Variants in KDM4C observed in about 807,000 individuals in gnomAD.
KDM4C encodes the protein lysine demethylase 4C.
A neutral mutation model predicts 129.3 loss-of-function variants in KDM4C; 81 were observed. That is an observed-to-expected ratio of 0.63 (90% confidence interval 0.52 to 0.75). The LOEUF (loss-of-function observed/expected upper bound fraction) is 0.75, where lower values mean the gene tolerates loss of function less well. Ranked by LOEUF, KDM4C falls within the 30% of genes least tolerant of loss-of-function variation. The pLI, the probability that KDM4C is intolerant of heterozygous loss-of-function variation, is 0.00. For missense variants in KDM4C, 1,457 were observed against 1,304.0 expected (o/e 1.12, Z -1.81); for synonymous variants, 573 against 456.1 (o/e 1.26, Z -3.26).
intron 17 of KDM4C, among the ~76,000 whole-genome samples, chr9:7,072,368 A>T (rs755231344): frequency 6.6e-6 from 1 of 152,222 alleles, no homozygotes; most frequent in Non-Finnish European, 1.5e-5. Flanking sequence ...AAATGGAAGC[A>T]ACTCAGTGTT....
intron 18 of KDM4C, among the ~76,000 whole-genome samples, chr9:7,109,372 T>TGGGGACC (rs148893776): frequency 0.01 from 1,570 of 152,334 alleles, 27 homozygotes; most frequent in African/African-American, 0.033. Flanking sequence ...TGTTCCCAGA[T>TGGGGACC]GGGGACCTGA....
intron 4 of KDM4C, among the ~76,000 whole-genome samples, chr9:6,848,251 T>G (rs1838204874): frequency 6.6e-6 from 1 of 152,156 alleles, no homozygotes; most frequent in Non-Finnish European, 1.5e-5. Flanking sequence ...TTAAAGGCAT[T>G]TCAGTTTCCC....
chr9:6,767,254 T>G (rs1482810117), intron 1 of KDM4C, among the ~76,000 whole-genome samples: 2 of 152,048 alleles, frequency 1.3e-5, no homozygotes, highest in African/African-American at 2.4e-5. Context: ...TTCTCCTGCC[T>G]CAGCCTCCCG....
At chr9:7,083,711 A>ATGTGTGTGTGTGTGTGTGTG (rs142609948) in intron 17 of KDM4C, among the ~76,000 whole-genome samples, 36 of 143,320 alleles carry the variant, frequency 2.5e-4, no homozygotes, top group African/African-American at 8.7e-4. Context: ...CACATGACTG[A>ATGTGTGTGTGTGTGTGTGTG]TGTGTGTGTG....
In KDM4C at chr9:6,877,845, A is replaced by G. The variant is rs554003045; in HGVS notation, c.630-2167A>G. Among the ~76,000 whole-genome samples, 9 of 152,338 alleles carry G rather than the reference A, an allele frequency of 5.9e-5. No individual in the cohort carries two copies. The East Asian group carries it at 1.5e-3, about 26-fold the overall frequency. ...ATGGTGACATTCCAGTTTTATTAGCATTATTACTTATCTTCAGACTGTCCT... is the reference window on the plus strand; with the variant it reads ...ATGGTGACATTCCAGTTTTATTAGCGTTATTACTTATCTTCAGACTGTCCT... On this transcript the variant is annotated intron_variant, in intron 5 of 21. Coordinates refer to ENST00000381309, the MANE Select transcript of KDM4C (RefSeq NM_015061.6).
chr9:7,110,146 T>C (rs1379616705), intron 18 of KDM4C, among the ~76,000 whole-genome samples: 2 of 152,240 alleles, frequency 1.3e-5, no homozygotes, highest in East Asian at 3.8e-4. Context: ...TCTTTGTTTT[T>C]TTCGCAGTGG....
chr9:6,817,208 C>CCCTT, intron 4 of KDM4C, among the ~76,000 whole-genome samples: 1 of 94,934 alleles, frequency 1.1e-5, no homozygotes, highest in Non-Finnish European at 2.2e-5. Context: ...CCCCCCCCCA[C>CCCTT]TTTTTTTTTT....
chr9:7,128,196 A>T lies in KDM4C; in HGVS notation c.2741A>T (p.Asp914Val). 1 of 1,609,316 alleles carries T rather than the reference A, an allele frequency of 6.2e-7. No homozygotes were observed. The highest frequency in any genetic ancestry group is 8.5e-7 in the Non-Finnish European group (1 of 1,177,880). Residue 914 changes from aspartate (D) to valine (V), a missense_variant, in exon 19 of 22, where the codon GAT becomes GTT. Asp to Val is a radical substitution (Grantham distance 152). Transcript: ENST00000381309. ...ACCTTCTATGAGGTCATGTTTGATGATGGCTCCTTTAGCAGAGACACATTT... is the reference window on the plus strand; with the variant it reads ...ACCTTCTATGAGGTCATGTTTGATGTTGGCTCCTTTAGCAGAGACACATTT... ...SQTFYEVMFD[D>V]GSFSRDTFPE...
chr9:6,757,551 C>A (rs1588077220), upstream of KDM4C: 2 of 866,300 alleles, frequency 2.3e-6, no homozygotes, highest in South Asian at 1.1e-4. Context: ...CGCCGGAGAG[C>A]TGCGAGCCCC....
At chr9:6,747,920 G>A (rs903320128) in intron 1 of KDM4C, among the ~76,000 whole-genome samples, 5 of 152,192 alleles carry the variant, frequency 3.3e-5, no homozygotes, top group Non-Finnish European at 7.3e-5. Flanking sequence ...GCTCACACCT[G>A]TAATCCCAGC....
At chr9:6,921,287 AC>A (rs1443505304) in intron 8 of KDM4C, among the ~76,000 whole-genome samples, 1 of 152,314 alleles carries the variant, frequency 6.6e-6, no homozygotes, top group Non-Finnish European at 1.5e-5. Context: ...CTTGGAACCC[AC>A]AAACTCCTGC....
At chr9:7,107,690 A>G (rs1837850457) in intron 18 of KDM4C, among the ~76,000 whole-genome samples, 2 of 152,242 alleles carry the variant, frequency 1.3e-5, no homozygotes, top group South Asian at 4.1e-4. Context: ...TCATAGCTTT[A>G]GAAACCTTAG....
intron 5 of KDM4C, among the ~76,000 whole-genome samples, chr9:6,865,203 T>C (rs928855470): frequency 6.6e-6 from 1 of 151,960 alleles, no homozygotes; most frequent in Non-Finnish European, 1.5e-5. Flanking sequence ...AGAGACGGGG[T>C]TTCACCGTGT....
At chr9:7,079,640 A>C (rs1333646896) in intron 17 of KDM4C, among the ~76,000 whole-genome samples, 3 of 152,146 alleles carry the variant, frequency 2.0e-5, no homozygotes, top group Non-Finnish European at 4.4e-5. Context: ...ACTTTGAACA[A>C]ACTACCCTTT....
chr9:7,114,956 A>G (rs1206617140), intron 18 of KDM4C, among the ~76,000 whole-genome samples: 1 of 152,070 alleles, frequency 6.6e-6, no homozygotes, highest in Non-Finnish European at 1.5e-5. Flanking sequence ...GTGTGCGCCT[A>G]TGGTCCCAGC....
At chr9:7,102,408 C>T (rs992540746) in intron 17 of KDM4C, among the ~76,000 whole-genome samples, 4 of 131,684 alleles carry the variant, frequency 3.0e-5, no homozygotes, top group Non-Finnish European at 4.6e-5. Context: ...ACATGAGATT[C>T]GTGTTGTAAA....
chr9:6,844,986 C>G (rs551657035), intron 4 of KDM4C, among the ~76,000 whole-genome samples: 1 of 152,174 alleles, frequency 6.6e-6, no homozygotes, highest in African/African-American at 2.4e-5. Context: ...CTGCGCCCAG[C>G]CTAGGACCCA....
At chr9:6,752,319 C>A (rs1377398821) in intron 1 of KDM4C, among the ~76,000 whole-genome samples, 1 of 91,402 alleles carries the variant, frequency 1.1e-5, no homozygotes, top group East Asian at 3.4e-4. Flanking sequence ...GGCGACAGAG[C>A]GAAACTCCGT....
At chr9:6,804,475 G>T (rs538572763) in intron 2 of KDM4C, among the ~76,000 whole-genome samples, 43 of 152,272 alleles carry the variant, frequency 2.8e-4, no homozygotes, top group African/African-American at 1.0e-3. Flanking sequence ...AGAATATAAT[G>T]TTGGCCGGGC....
Sources: allele counts gnomAD v4.1 joint callset (sites outside exome capture counted in the v4.1 genomes callset), GRCh38; gene constraint gnomAD v4.1.1; transcripts MANE v1.5; gene names NCBI Gene and HGNC (gene_info 2026-07-23, HGNC 2026-07-21).